Variants in SLC35F1 observed in about 807,000 individuals in gnomAD.
SLC35F1 encodes chromosome 6 open reading frame 169.
A neutral mutation model predicts 48.7 loss-of-function variants in SLC35F1; 14 were observed. That is an observed-to-expected ratio of 0.29 (90% CI 0.19 to 0.45). The LOEUF (loss-of-function observed/expected upper bound fraction) is 0.45. SLC35F1 is among the 20% of genes least tolerant of loss of function. The pLI, the probability that SLC35F1 is intolerant of heterozygous loss-of-function variation, is 1.00. For missense variants in SLC35F1, 404 were observed against 500.0 expected, an observed-to-expected ratio of 0.81 and a Z score of 1.83; for synonymous variants, 190 against 202.2, an observed-to-expected ratio of 0.94 and a Z score of 0.51.
At chr6:118,267,908 T>A (rs1775797760) in intron 4 of SLC35F1, among the ~76,000 whole-genome samples, 1 of 151,724 alleles carries the variant, frequency 6.6e-6, no homozygotes, top group South Asian at 2.1e-4. Flanking sequence ...AAATTTTAGC[T>A]ACAGAAGGGT....
chr6:117,993,395 CA>C (rs1303714295), intron 1 of SLC35F1, among the ~76,000 whole-genome samples: 1 of 151,870 alleles, frequency 6.6e-6, no homozygotes, highest in African/African-American at 2.4e-5. Context: ...ACAGAAGTAC[CA>C]GTTTAAGAAA....
chr6:118,201,234 C>T lies in SLC35F1; in HGVS notation c.350-34275C>T, dbSNP rs9766022. Among the ~76,000 whole-genome samples the T allele has an allele frequency of 7.5e-3, 1,146 of 152,244 alleles. 18 individuals carry two copies. The highest frequency in any genetic ancestry group is 0.025 in the African/African-American group (1,058 of 41,542). On this transcript the variant is annotated intron_variant, in intron 2 of 7. Transcript: ENST00000360388. ...TGCCAAATTTGGCAGAAGTGGTATA[C>T]TGCTTTCCCTCAGAATTTGCCAAAG...
intron 7 of SLC35F1, among the ~76,000 whole-genome samples, chr6:118,290,302 C>A (rs1690663): frequency 2.6e-5 from 4 of 151,180 alleles, no homozygotes; most frequent in Non-Finnish European, 5.9e-5. Context: ...TTAGAGAATT[C>A]TACTGACCAA....
chr6:117,962,538 A>G (rs1002273153), intron 1 of SLC35F1, among the ~76,000 whole-genome samples: 1 of 152,118 alleles, frequency 6.6e-6, no homozygotes, highest in Non-Finnish European at 1.5e-5. Context: ...GTGGGGTCTT[A>G]TATAATCATC....
chr6:118,241,578 C>CGT lies in SLC35F1; in HGVS notation c.477+5971_477+5972dup, dbSNP rs10570595. Among the ~76,000 whole-genome samples, 222 of 147,358 alleles carry CGT rather than the reference C, an allele frequency of 1.5e-3. 1 individual carries two copies. The highest frequency in any genetic ancestry group is 7.1e-3 in the Middle Eastern group (2 of 282). ...TTCAGTTTTCATACATTTTTACCTT[C>CGT]GTGTGTGTGTGTGTGTGTGTGTGTG... On this transcript the variant is annotated intron_variant, in intron 3 of 7. Transcript: ENST00000360388.
intron 3 of SLC35F1, among the ~76,000 whole-genome samples, chr6:118,240,435 A>G (rs1170907299): frequency 2.6e-5 from 4 of 152,232 alleles, no homozygotes; most frequent in East Asian, 3.8e-4. Flanking sequence ...GAGAACAATT[A>G]TTTTCATCTG....
intron 1 of SLC35F1, among the ~76,000 whole-genome samples, chr6:117,927,888 A>G (rs1236036828): frequency 6.6e-6 from 1 of 152,180 alleles, no homozygotes; most frequent in Non-Finnish European, 1.5e-5. Context: ...TAATCAGAGA[A>G]GCTAATCAAT....
intron 2 of SLC35F1, among the ~76,000 whole-genome samples, chr6:118,171,545 C>T (rs1774404038): frequency 6.6e-6 from 1 of 152,042 alleles, no homozygotes; most frequent in Non-Finnish European, 1.5e-5. Context: ...TAAAAATTCC[C>T]CTTCACAGTC....
At chr6:118,186,168 T>C (rs1289852047) in intron 2 of SLC35F1, among the ~76,000 whole-genome samples, 2 of 152,020 alleles carry the variant, frequency 1.3e-5, no homozygotes, top group Non-Finnish European at 2.9e-5. Context: ...CACCCCAACA[T>C]ATACCCTAGC....
intron 1 of SLC35F1, among the ~76,000 whole-genome samples, chr6:118,071,943 C>A (rs1269559188): frequency 1.3e-5 from 2 of 152,114 alleles, no homozygotes; most frequent in Non-Finnish European, 2.9e-5. Context: ...CCTGCTGGGA[C>A]CTTTCAACTT....
chr6:118,166,209 T>C (rs1166180679), intron 2 of SLC35F1, among the ~76,000 whole-genome samples: 1 of 151,604 alleles, frequency 6.6e-6, no homozygotes, highest in Non-Finnish European at 1.5e-5. Flanking sequence ...ACACAAAGCA[T>C]TGGAGGCTAC....
chr6:117,970,564 G>C (rs927515349), intron 1 of SLC35F1, among the ~76,000 whole-genome samples: 1 of 152,144 alleles, frequency 6.6e-6, no homozygotes, highest in Non-Finnish European at 1.5e-5. Flanking sequence ...CACTGTATTA[G>C]TCAATTTTCA....
At chr6:117,952,595 C>A (rs1776375863) in intron 1 of SLC35F1, among the ~76,000 whole-genome samples, 1 of 152,106 alleles carries the variant, frequency 6.6e-6, no homozygotes, top group Non-Finnish European at 1.5e-5. Context: ...CAAGAAGAAC[C>A]CTCTGTAGCA....
At chr6:118,273,833 C>G (rs1275463394) in intron 4 of SLC35F1, among the ~76,000 whole-genome samples, 1 of 152,204 alleles carries the variant, frequency 6.6e-6, no homozygotes, top group Non-Finnish European at 1.5e-5. Context: ...CCATTCTCAG[C>G]TCCATTCCCT....
At chr6:117,999,996 T>C (rs1777066170) in intron 1 of SLC35F1, among the ~76,000 whole-genome samples, 1 of 151,496 alleles carries the variant, frequency 6.6e-6, no homozygotes, top group Admixed American at 6.6e-5. Context: ...CCAGATGGAT[T>C]CACAGCCGAA....
intron 2 of SLC35F1, among the ~76,000 whole-genome samples, chr6:118,224,200 A>G (rs1179755278): frequency 6.6e-6 from 1 of 152,228 alleles, no homozygotes; most frequent in Non-Finnish European, 1.5e-5. Context: ...AAATCAAAGC[A>G]TCCACCCCAC....
At chr6:118,313,038 T>G (rs1314966181) in intron 7 of SLC35F1, among the ~76,000 whole-genome samples, 2 of 152,206 alleles carry the variant, frequency 1.3e-5, no homozygotes, top group African/African-American at 4.8e-5. Flanking sequence ...CTGTACCTGT[T>G]CGGCCACTGA....
At chr6:118,269,249 A>G (rs769403322) in intron 4 of SLC35F1, among the ~76,000 whole-genome samples, 1 of 152,230 alleles carries the variant, frequency 6.6e-6, no homozygotes, top group Non-Finnish European at 1.5e-5. Flanking sequence ...TAAAAAAACA[A>G]TGTAGATGTG....
chr6:118,165,214 C>A (rs1774300139), intron 2 of SLC35F1, among the ~76,000 whole-genome samples: 1 of 152,160 alleles, frequency 6.6e-6, no homozygotes, highest in African/African-American at 2.4e-5. Context: ...AACTGAGAAA[C>A]CTTAAGGCAG....
Sources: gnomAD v4.1 joint callset for allele counts (sites outside exome capture counted in the v4.1 genomes callset) on GRCh38, gnomAD v4.1.1 for gene constraint, MANE v1.5 for transcripts, NCBI Gene and HGNC (gene_info 2026-07-23, HGNC 2026-07-21) for gene names.